USP34: variants seen among roughly 807,000 people sequenced by gnomAD.
The protein encoded by USP34 is ubiquitin carboxyl-terminal hydrolase 34.
A neutral mutation model predicts 460.3 loss-of-function variants in USP34; 70 were observed. The ratio of observed to expected loss-of-function variants is 0.15; its 90% CI spans 0.13 to 0.19. The LOEUF is 0.19. Among genes scored for constraint, USP34 ranks in the 10% least tolerant of loss-of-function variants. The pLI is 1.00. For synonymous variants in USP34, 1,647 were observed against 1,405.3 expected, an observed-to-expected ratio of 1.17 and a Z score of -3.85; for missense variants, 3,985 against 4,236.2, an observed-to-expected ratio of 0.94 and a Z score of 1.65.
intron 10 of USP34, 109 bp from the exon 11 acceptor site, chr2:61,350,802 T>G: frequency 8.8e-7 from 1 of 1,137,226 alleles, no homozygotes; most frequent in South Asian, 1.9e-5. Flanking sequence ...ACACTAATAT[T>G]TTTTAATATG....
chr2:61,310,539 C>T (rs1308069126), intron 27 of USP34, among the ~76,000 whole-genome samples: 1 of 151,004 alleles, frequency 6.6e-6, no homozygotes, highest in Non-Finnish European at 1.5e-5. Context: ...TATACATATA[C>T]ATCTATATAG....
chr2:61,448,862 T>C (rs1159755904), intron 1 of USP34, among the ~76,000 whole-genome samples: 1 of 152,144 alleles, frequency 6.6e-6, no homozygotes, highest in East Asian at 1.9e-4. Flanking sequence ...TAACAAAAAG[T>C]GCAGGCCAGA....
chr2:61,274,035 C>T (rs1343654744), intron 41 of USP34, among the ~76,000 whole-genome samples: 1 of 151,014 alleles, frequency 6.6e-6, no homozygotes, highest in Non-Finnish European at 1.5e-5. Context: ...AAGTATAACA[C>T]AGTATCTAGT....
At chr2:61,359,421 T>G (rs1692207098) in intron 10 of USP34, among the ~76,000 whole-genome samples, 1 of 152,218 alleles carries the variant, frequency 6.6e-6, no homozygotes, top group Admixed American at 6.5e-5. Context: ...ATCTTTACCT[T>G]ACACCACATG....
intron 3 of USP34, among the ~76,000 whole-genome samples, chr2:61,398,774 T>C (rs900964483): frequency 6.6e-6 from 1 of 152,270 alleles, no homozygotes; most frequent in East Asian, 1.9e-4. Context: ...AAATCATGGA[T>C]TGAAAGCAAT....
chr2:61,293,119 CAAAA>C (rs1041149169), intron 33 of USP34, among the ~76,000 whole-genome samples: 4 of 151,502 alleles, frequency 2.6e-5, no homozygotes, highest in Non-Finnish European at 4.4e-5. Context: ...CAAAATAAAA[CAAAA>C]AAAGTTTTTT....
intron 27 of USP34, among the ~76,000 whole-genome samples, chr2:61,302,694 T>A (rs1230857314): frequency 1.3e-5 from 2 of 152,246 alleles, no homozygotes; most frequent in Non-Finnish European, 2.9e-5. Flanking sequence ...CTATATCATT[T>A]AACTAACAAT....
In USP34 at chr2:61,241,295, G is replaced by A. The variant is rs954044261; in HGVS notation, c.6777+265C>T. On this transcript the variant is annotated intron_variant, in intron 53 of 79. Coordinates refer to ENST00000398571, the MANE Select transcript of USP34 (RefSeq NM_014709.4). ...CTGACCTCGTGATCTACCCACCTCGGCCTCCCAAAGTGCTGAGATTACAGG... is the reference window on the plus strand; with the variant it reads ...CTGACCTCGTGATCTACCCACCTCGACCTCCCAAAGTGCTGAGATTACAGG... Among the ~76,000 whole-genome samples the A allele has an allele frequency of 2.0e-5, 3 of 152,076 alleles. No individual in the cohort carries two copies. In the East Asian group the frequency reaches 5.8e-4, roughly 29 times the overall value.
intron 32 of USP34, 69 bp downstream of exon 32, chr2:61,294,880 G>T (rs958029345): frequency 1.6e-6 from 2 of 1,235,642 alleles, no homozygotes; most frequent in Non-Finnish European, 2.3e-6. Flanking sequence ...AAGAATTATG[G>T]TACCCACTTT....
chr2:61,293,082 C>G (rs1198775749), intron 33 of USP34, among the ~76,000 whole-genome samples: 2 of 151,704 alleles, frequency 1.3e-5, no homozygotes, highest in African/African-American at 4.8e-5. Flanking sequence ...TTAATTATTA[C>G]TACTATAAAG....
chr2:61,232,860 T>C (rs2421114), intron 57 of USP34, among the ~76,000 whole-genome samples: 18,439 of 65,040 alleles, frequency 0.28, 2,704 homozygotes, highest in South Asian at 0.38. Context: ...ATATATATAT[T>C]CCCCCCCCCC....
chr2:61,262,132 TAGATAGATAG>T (rs1365234866), intron 43 of USP34, among the ~76,000 whole-genome samples: 8 of 111,522 alleles, frequency 7.2e-5, no homozygotes, highest in South Asian at 2.7e-4. Flanking sequence ...TATATATATA[TAGATAGATAG>T]ATAGATAGAT....
At chr2:61,210,468 G>T (rs925344306) in intron 69 of USP34, among the ~76,000 whole-genome samples, 15 of 152,288 alleles carry the variant, frequency 9.8e-5, no homozygotes, top group African/African-American at 3.6e-4. Flanking sequence ...GGGTGTAGCA[G>T]GCGCTACTAT....
intron 2 of USP34, among the ~76,000 whole-genome samples, chr2:61,419,531 G>GCT (rs1272270710): frequency 1.3e-5 from 2 of 152,106 alleles, no homozygotes; most frequent in Admixed American, 6.6e-5. Flanking sequence ...GAATACAAGT[G>GCT]TATTAGGAAT....
intron 5 of USP34, among the ~76,000 whole-genome samples, chr2:61,391,258 G>C (rs1693337061): frequency 1.3e-5 from 2 of 151,932 alleles, no homozygotes; most frequent in African/African-American, 4.8e-5. Context: ...CCAGCCTGGG[G>C]AACATGGTGA....
intron 10 of USP34, among the ~76,000 whole-genome samples, chr2:61,355,364 C>A (rs1012764096): frequency 1.3e-5 from 2 of 152,100 alleles, no homozygotes; most frequent in African/African-American, 4.8e-5. Context: ...TTATTTTCCA[C>A]ATGATTTAAA....
intron 78 of USP34, 83 bp from the exon 79 acceptor site, chr2:61,189,152 T>C: frequency 7.1e-7 from 1 of 1,416,466 alleles, no homozygotes; most frequent in Non-Finnish European, 9.5e-7. Flanking sequence ...CAGATGTTTA[T>C]TTTCCCAGGA....
At chr2:61,398,415 G>C (rs996570312) in intron 3 of USP34, among the ~76,000 whole-genome samples, 2 of 146,190 alleles carry the variant, frequency 1.4e-5, no homozygotes, top group Non-Finnish European at 3.0e-5. Flanking sequence ...GGGAGAGAAG[G>C]GGGGTGAAAG....
chr2:61,286,421 C>T (rs1401604637), intron 34 of USP34, among the ~76,000 whole-genome samples: 9 of 151,986 alleles, frequency 5.9e-5, no homozygotes, highest in East Asian at 1.9e-4. Flanking sequence ...TTTGGGAGGC[C>T]GAGGCAGGAG....
Sources: allele counts gnomAD v4.1 joint callset (sites outside exome capture counted in the v4.1 genomes callset), GRCh38; gene constraint gnomAD v4.1.1; transcripts MANE v1.5; gene names NCBI Gene and HGNC (gene_info 2026-07-23, HGNC 2026-07-21).